Variants in POMT2 observed in about 807,000 individuals in gnomAD.
POMT2 encodes protein O-mannosyl-transferase 2.
In POMT2, 75 loss-of-function variants were observed where a neutral mutation model predicts 100.0. The observed-to-expected ratio is 0.75, with a 90% CI of 0.62 to 0.91. The LOEUF is 0.91. POMT2 is among the 40% of genes least tolerant of loss of function. POMT2 has a pLI of 0.00. For missense variants in POMT2, 940 were observed against 955.1 expected (o/e 0.98, Z 0.21); for synonymous variants, 378 against 374.1 (o/e 1.01, Z -0.12).
intron 6 of POMT2, 190 bp downstream of exon 6, chr14:77,300,900 C>T: frequency 2.3e-6 from 2 of 877,108 alleles, no homozygotes; most frequent in South Asian, 1.5e-5. Flanking sequence ...CTCCCTTGAA[C>T]CCTATCCAGT....
intron 10 of POMT2, among the ~76,000 whole-genome samples, chr14:77,290,317 G>C (rs1311363136): frequency 1.3e-5 from 2 of 152,194 alleles, no homozygotes; most frequent in African/African-American, 2.4e-5. Context: ...TTGGCCTGCT[G>C]AATCAATCAA....
At chr14:77,283,933 A>T (rs1267536489) in intron 14 of POMT2, 60 bp from the exon 15 acceptor site, 1 of 1,402,696 alleles carries the variant, frequency 7.1e-7, no homozygotes, top group Non-Finnish European at 1.0e-6. Context: ...CAGTCTGTCC[A>T]TGGTGTCCAC....
At chr14:77,304,825 C>A (rs777055472) in intron 3 of POMT2, 25 bp from the exon 4 acceptor site, 1 of 1,564,660 alleles carries the variant, frequency 6.4e-7, no homozygotes, top group Admixed American at 1.9e-5. Flanking sequence ...GAGAAGCTGT[C>A]AAATAACAAG....
rs759654244 is a variant in POMT2, at chr14:77,301,267, G to A, written c.657-18C>T. 155 of 1,613,834 alleles carry A rather than the reference G, an allele frequency of 9.6e-5. No individual in the cohort carries two copies. Among genetic ancestry groups the A allele is most frequent in the Middle Eastern group, 1.6e-4 (1 of 6,064 alleles). Reference sequence around the variant, plus strand: ...AGAAGGGCCTGAAAATCAACAAGACGGAGTTCAATTTGGCAGCTGGAACCA... The same window carrying A: ...AGAAGGGCCTGAAAATCAACAAGACAGAGTTCAATTTGGCAGCTGGAACCA... On this transcript the variant is annotated intron_variant, in intron 5 of 20. Coordinates refer to ENST00000261534, the MANE Select transcript of POMT2 (RefSeq NM_013382.7).
In POMT2 at chr14:77,298,705, A is replaced by C. The variant is rs139202802; in HGVS notation, c.990T>G (p.Asn330Lys). Reference sequence around the variant, plus strand: ...GACACTCACGTTCAGGGATGGAAGCATTGTGCAGGTTGTTCCCTGAAAGCC... The same window carrying C: ...GACACTCACGTTCAGGGATGGAAGCCTTGTGCAGGTTGTTCCCTGAAAGCC... Reference protein sequence around the residue: ...QARLSGNNLHNASIPEHLAYG... With the variant: ...QARLSGNNLHKASIPEHLAYG... Residue 330 changes from asparagine to lysine, a missense_variant, in exon 8 of 21, where the codon AAT becomes AAG. Physicochemically the swap from Asn to Lys is moderately conservative, Grantham distance 94. Coordinates refer to ENST00000261534, the MANE Select transcript of POMT2 (RefSeq NM_013382.7). 7 of 1,613,764 alleles carry C rather than the reference A, an allele frequency of 4.3e-6. No homozygotes were observed. The highest frequency in any genetic ancestry group is 5.9e-6 in the Non-Finnish European group (7 of 1,179,924).
chr14:77,310,135 G>A (rs1490834770), intron 2 of POMT2, among the ~76,000 whole-genome samples: 2 of 152,232 alleles, frequency 1.3e-5, no homozygotes, highest in Non-Finnish European at 2.9e-5. Flanking sequence ...GTTCCCAGGC[G>A]AGCTCCATGC....
rs12881878 is a variant in POMT2 at position 77,320,850 on chromosome 14, G to A, written c.-169C>T. ...TCGGGGCGGGGCGGGCAGCGTGGTC[G>A]CGGCCCGGGCCGCTAGGAGGCGGCA... On this transcript the variant is annotated 5_prime_UTR_variant, in exon 1 of 21. Transcript: ENST00000261534. 5.3e-6 allele frequency: 7 copies of A among 1,315,842 alleles called. No homozygotes were observed. The highest frequency in any genetic ancestry group is 5.9e-6 in the Non-Finnish European group (6 of 1,025,328). 81.5% of individuals were successfully genotyped at this position (1,315,842 alleles called of 1,614,324 possible).
At chr14:77,305,123 G>C (rs1006763735) in intron 3 of POMT2, among the ~76,000 whole-genome samples, 2 of 152,138 alleles carry the variant, frequency 1.3e-5, no homozygotes, top group Non-Finnish European at 2.9e-5. Context: ...GGAAGAAAAT[G>C]AGTGTTATTA....
rs571903026 is a variant in POMT2 at position 77,300,739 on chromosome 14, G to A, written c.816+351C>T. ...GGAGGCTGAGGCAAAAGAATCACTC[G>A]TACCCAGGAGGCGGAAGTTGCAGTG... On this transcript the variant is annotated intron_variant, in intron 6 of 20. Transcript: ENST00000261534. The A allele has an allele frequency of 4.9e-5, 15 of 306,100 alleles. No homozygotes were observed. In the East Asian group the frequency reaches 5.3e-4, roughly 11 times the overall value. 19.0% of individuals were successfully genotyped at this position (306,100 alleles called of 1,614,324 possible).
chr14:77,294,036 G>C (rs1048198032), intron 9 of POMT2, among the ~76,000 whole-genome samples: 5 of 152,168 alleles, frequency 3.3e-5, no homozygotes, highest in Admixed American at 2.0e-4. Context: ...CCTCATCCTA[G>C]ATCAATTAAA....
intron 12 of POMT2, among the ~76,000 whole-genome samples, chr14:77,285,947 C>T (rs1890414201): frequency 6.6e-6 from 1 of 152,212 alleles, no homozygotes; most frequent in Admixed American, 6.5e-5. Context: ...TTCAACCAAA[C>T]TCAAGACATC....
Position 77,320,596 on chromosome 14 carries a change from G to C in POMT2, c.86C>G (p.Ala29Gly), listed in dbSNP as rs772340216. 2 of 1,584,218 alleles carry C rather than the reference G, an allele frequency of 1.3e-6. No homozygotes were observed. The highest frequency in any genetic ancestry group is 1.7e-5 in the Admixed American group (1 of 58,334). Residue 29 changes from alanine (A) to glycine (G), a missense_variant, in exon 1 of 21, where the codon GCA becomes GGA. By Grantham distance (60) the Ala-to-Gly change is moderately conservative (BLOSUM62 0). Coordinates refer to ENST00000261534, the MANE Select transcript of POMT2 (RefSeq NM_013382.7). ...GRCGPQAARAAGRDVAAEAVA... is the reference protein window; with the variant it reads ...GRCGPQAARAGGRDVAAEAVA... ...AGCCTCAGCGGCCACGTCCCGGCCT[G>C]CGGCCCTAGCAGCCTGGGGGCCACA...
chr14:77,308,107 G>A (rs1386305944), intron 2 of POMT2, among the ~76,000 whole-genome samples: 5 of 151,112 alleles, frequency 3.3e-5, no homozygotes, highest in South Asian at 2.1e-4. Flanking sequence ...TGATCCACCC[G>A]CCTCAGCCTC....
intron 9 of POMT2, among the ~76,000 whole-genome samples, chr14:77,292,484 T>C (rs929793856): frequency 2.0e-5 from 3 of 152,190 alleles, no homozygotes; most frequent in South Asian, 2.1e-4. Context: ...AGCTTATGCG[T>C]TGGGGAGACA....
rs1378689108 is a variant in POMT2, at chr14:77,296,285, G to A, written c.1007-12C>T. 2.5e-6 allele frequency: 4 copies of A among 1,574,634 alleles called. No homozygotes were observed. The highest frequency in any genetic ancestry group is 1.2e-5 in the South Asian group (1 of 86,600). On this transcript the variant is annotated splice_polypyrimidine_tract_variant and intron_variant, in intron 8 of 20. Coordinates refer to ENST00000261534, the MANE Select transcript of POMT2 (RefSeq NM_013382.7). ...GCCGTAGGCCAGGTCTGGGAGGAAG[G>A]GAGACAGCAGAGGGGTGAGCTGGCA...
At chr14:77,310,211 A>G (rs1026615641) in intron 2 of POMT2, among the ~76,000 whole-genome samples, 4 of 152,196 alleles carry the variant, frequency 2.6e-5, no homozygotes, top group African/African-American at 7.2e-5. Context: ...GGAGTGAGCC[A>G]AGGCAAGCTT....
chr14:77,303,601 A>G (rs1261107975), intron 4 of POMT2, among the ~76,000 whole-genome samples: 1 of 152,048 alleles, frequency 6.6e-6, no homozygotes, highest in Non-Finnish European at 1.5e-5. Context: ...CACCAGAACT[A>G]CAGTACATGC....
rs910353997 is a variant in POMT2 at position 77,280,408 on chromosome 14, C to A, written c.1709G>T (p.Trp570Leu). 6.2e-7 allele frequency: 1 copy of A among 1,614,198 alleles called. No homozygotes were observed. Among genetic ancestry groups the A allele is most frequent in the Non-Finnish European group, 8.5e-7 (1 of 1,180,036 alleles). The change falls in exon 16 of 21, where the codon TGG becomes TTG. Residue 570 changes from tryptophan to leucine, a missense_variant. By Grantham distance (61) the Trp-to-Leu change is moderately conservative. Coordinates refer to ENST00000261534, the MANE Select transcript of POMT2 (RefSeq NM_013382.7). Reference protein sequence around the residue: ...DNEFTSKPWHWPINYQGLRFS... With the variant: ...DNEFTSKPWHLPINYQGLRFS... ...GGATCCTACCTGATAGTTGATAGGC[C>A]AGTGCCAGGGTTTGGACGTGAACTC...
At chr14:77,301,338 G>A in intron 5 of POMT2, 89 bp from the exon 6 acceptor site, 1 of 1,540,046 alleles carries the variant, frequency 6.5e-7, no homozygotes, top group Non-Finnish European at 8.9e-7. Flanking sequence ...TCTCAGACTT[G>A]GAGCGGCTGT....
Sources: allele counts gnomAD v4.1 joint callset (sites outside exome capture counted in the v4.1 genomes callset), GRCh38; gene constraint gnomAD v4.1.1; transcripts MANE v1.5; gene names NCBI Gene and HGNC (gene_info 2026-07-23, HGNC 2026-07-21).